The following ADCYAP1R1 variants were observed in gnomAD, a reference collection of about 807,000 sequenced individuals.
The protein encoded by ADCYAP1R1 is pituitary adenylate cyclase-activating polypeptide type I receptor.
ADCYAP1R1 carries 44 observed loss-of-function variants against 67.6 expected under a neutral mutation model. The observed-to-expected ratio is 0.65, with a 90% CI of 0.51 to 0.84. The LOEUF (loss-of-function observed/expected upper bound fraction) is 0.84. ADCYAP1R1 is among the 40% of genes least tolerant of loss of function. The pLI is 0.00. For missense variants in ADCYAP1R1, 477 were observed against 587.9 expected (o/e 0.81, Z 1.95); for synonymous variants, 222 against 219.6 (o/e 1.01, Z -0.10).
chr7:31,053,536 C>T (rs1275508051), intron 1 of ADCYAP1R1, among the ~76,000 whole-genome samples: 1 of 152,248 alleles, frequency 6.6e-6, no homozygotes, highest in African/African-American at 2.4e-5. Context: ...AGGAGGGAAC[C>T]CAGCCGGAAG....
chr7:31,065,321 A>G (rs1331795208), intron 3 of ADCYAP1R1, among the ~76,000 whole-genome samples: 1 of 152,210 alleles, frequency 6.6e-6, no homozygotes, highest in Non-Finnish European at 1.5e-5. Context: ...AACCCAGGGC[A>G]GGAAACGTGG....
At chr7:31,103,739 T>C (rs1729018121) in intron 14 of ADCYAP1R1, among the ~76,000 whole-genome samples, 1 of 152,040 alleles carries the variant, frequency 6.6e-6, no homozygotes, top group South Asian at 2.1e-4. Flanking sequence ...TACATCTAGA[T>C]CCCCAGCACA....
chr7:31,099,133 A>C lies in ADCYAP1R1; in HGVS notation c.1047-4104A>C, dbSNP rs1043242937. On this transcript the variant is annotated intron_variant, in intron 13 of 15. Transcript: ENST00000304166. ...CAGCCTGAGACCTCCCTGAGGAGAC[A>C]GAAGTCCTGGGTCCACCCAGGAGAA... 2.6e-5 allele frequency among the ~76,000 whole-genome samples: 4 copies of C among 152,234 alleles called. No homozygotes were observed. In the East Asian group the frequency reaches 5.8e-4, roughly 22 times the overall value.
chr7:31,104,929 G>A lies in ADCYAP1R1; in HGVS notation c.1218+20G>A. ...GGTGAGGTAAGACCTTGGCCCTCTG[G>A]CTTCTTGGCAGTGGAAGTGGGGCTT... On this transcript the variant is annotated intron_variant, in intron 15 of 15. Transcript: ENST00000304166. 2 of 1,613,944 alleles carry A rather than the reference G, an allele frequency of 1.2e-6. No individual in the cohort carries two copies. Among genetic ancestry groups the A allele is most frequent in the Non-Finnish European group, 1.7e-6 (2 of 1,179,836 alleles).
rs182387957 is a variant in ADCYAP1R1 at position 31,101,239 on chromosome 7, A to G, written c.1047-1998A>G. On this transcript the variant is annotated intron_variant, in intron 13 of 15. Transcript: ENST00000304166. ...GCTGTGGGATGCCCTCACTACCATC[A>G]CTGCATCCACCTTGTGGCTGGGAAA... Among the ~76,000 whole-genome samples the G allele has an allele frequency of 7.9e-3, 1,208 of 152,214 alleles. 11 individuals carry two copies. Among genetic ancestry groups the G allele is most frequent in the South Asian group, 0.017 (82 of 4,816 alleles).
chr7:31,092,573 T>C (rs754231997), intron 12 of ADCYAP1R1, 71 bp from the exon 13 acceptor site: 6 of 1,205,572 alleles, frequency 5.0e-6, no homozygotes, highest in African/African-American at 1.5e-5. Flanking sequence ...TGGGGGAGGG[T>C]CCTGCTGGGG....
rs150883864 is a variant in ADCYAP1R1, at chr7:31,096,327, G to A, written c.1046+3592G>A. Among the ~76,000 whole-genome samples the A allele has an allele frequency of 1.8e-3, 278 of 152,238 alleles. 2 individuals are homozygous for A. The highest frequency in any genetic ancestry group is 6.3e-3 in the African/African-American group (262 of 41,540). The stretch of plus-strand genomic sequence containing the variant: ...ACACATCTCTGGAGATGGCTGTGCC[G>A]GGGCCAGGCAGAAGTGCGGCCAGGC... On this transcript the variant is annotated intron_variant, in intron 13 of 15. Transcript: ENST00000304166.
intron 3 of ADCYAP1R1, 71 bp downstream of exon 3, chr7:31,065,007 C>A (rs1794677441): frequency 1.6e-6 from 2 of 1,223,822 alleles, no homozygotes; most frequent in South Asian, 1.4e-5. Flanking sequence ...TGTGCTCAGG[C>A]TCGGCCAGTG....
intron 13 of ADCYAP1R1, among the ~76,000 whole-genome samples, chr7:31,098,281 G>A (rs1220618681): frequency 6.6e-6 from 1 of 152,196 alleles, no homozygotes; most frequent in Admixed American, 6.5e-5. Flanking sequence ...ACCCAGTTAA[G>A]CTATTTTAAT....
chr7:31,084,052 A>G, intron 6 of ADCYAP1R1, 89 bp from the exon 7 acceptor site: 1 of 1,146,390 alleles, frequency 8.7e-7, no homozygotes, highest in Non-Finnish European at 1.3e-6. Flanking sequence ...GGTTTCCAGG[A>G]ATTCCCACTG....
chr7:31,105,747 A>G (rs913644251), intron 15 of ADCYAP1R1, among the ~76,000 whole-genome samples: 1 of 152,180 alleles, frequency 6.6e-6, no homozygotes, highest in African/African-American at 2.4e-5. Context: ...CCCTGCAGGT[A>G]GTGGCCAGGA....
At chr7:31,058,906 C>T (rs1794375503) in intron 1 of ADCYAP1R1, among the ~76,000 whole-genome samples, 1 of 152,170 alleles carries the variant, frequency 6.6e-6, no homozygotes, top group South Asian at 2.1e-4. Context: ...AGTTGCTTAC[C>T]CTCTCTGTGT....
At chr7:31,089,716 C>T (rs1366555064) in intron 12 of ADCYAP1R1, among the ~76,000 whole-genome samples, 3 of 152,132 alleles carry the variant, frequency 2.0e-5, no homozygotes, top group Non-Finnish European at 1.5e-5. Flanking sequence ...GCTCATTTCC[C>T]ATGTCTTTGT....
Position 31,081,696 on chromosome 7 carries a change from A to C in ADCYAP1R1, c.287-17A>C, listed in dbSNP as rs375985356. ...AAGCCAGGCATTTTGATATATGCCTATGTCTGTATTTTTCAGGAGAGTCTG... is the reference window on the plus strand; with the variant it reads ...AAGCCAGGCATTTTGATATATGCCTCTGTCTGTATTTTTCAGGAGAGTCTG... On this transcript the variant is annotated splice_polypyrimidine_tract_variant and intron_variant, in intron 5 of 15. Transcript: ENST00000304166. 5.7e-6 allele frequency: 9 copies of C among 1,592,898 alleles called. No homozygotes were observed. Among genetic ancestry groups the C allele is most frequent in the Non-Finnish European group, 6.8e-6 (8 of 1,169,194 alleles).
At chr7:31,082,078 G>A (rs558281391) in intron 6 of ADCYAP1R1, among the ~76,000 whole-genome samples, 7 of 152,256 alleles carry the variant, frequency 4.6e-5, no homozygotes, top group Admixed American at 2.0e-4. Flanking sequence ...AACTTTAACC[G>A]TGCATCACAG....
intron 3 of ADCYAP1R1, among the ~76,000 whole-genome samples, chr7:31,066,939 CTAT>C (rs1296979093): frequency 6.6e-6 from 1 of 152,146 alleles, no homozygotes; most frequent in Non-Finnish European, 1.5e-5. Context: ...ATGGGTTGGG[CTAT>C]TGAGGGGGCA....
chr7:31,064,092 C>A (rs1404971274), intron 2 of ADCYAP1R1, among the ~76,000 whole-genome samples: 3 of 152,206 alleles, frequency 2.0e-5, no homozygotes, highest in Non-Finnish European at 4.4e-5. Flanking sequence ...GAACTTGAAG[C>A]CCATATCTGC....
At chr7:31,074,718 C>T (rs1195265411) in intron 3 of ADCYAP1R1, among the ~76,000 whole-genome samples, 1 of 152,236 alleles carries the variant, frequency 6.6e-6, no homozygotes, top group Non-Finnish European at 1.5e-5. Context: ...GACATGATGT[C>T]ACAGCCAAGC....
At chr7:31,088,178 G>A (rs568545348) in intron 12 of ADCYAP1R1, among the ~76,000 whole-genome samples, 7 of 152,256 alleles carry the variant, frequency 4.6e-5, no homozygotes, top group East Asian at 3.9e-4. Context: ...TCTCCATCTC[G>A]CTAGCGTAAC....
Sources: gnomAD v4.1 joint callset for allele counts (sites outside exome capture counted in the v4.1 genomes callset) on GRCh38, gnomAD v4.1.1 for gene constraint, MANE v1.5 for transcripts, NCBI Gene and HGNC (gene_info 2026-07-23, HGNC 2026-07-21) for gene names.